ROCK2: variants seen among roughly 807,000 people sequenced by gnomAD.
The protein encoded by ROCK2 is rho-associated protein kinase 2.
In ROCK2, 61 loss-of-function variants were observed where a neutral mutation model predicts 195.1. That is an observed-to-expected ratio of 0.31 (90% CI 0.25 to 0.39). The LOEUF (loss-of-function observed/expected upper bound fraction) is 0.39. ROCK2 is among the 10% of genes least tolerant of loss of function. ROCK2 has a pLI of 1.00. For synonymous variants in ROCK2, 504 were observed against 545.5 expected, an observed-to-expected ratio of 0.92 and a Z score of 1.06; for missense variants, 1,109 against 1,637.4, an observed-to-expected ratio of 0.68 and a Z score of 5.57.
At chr2:11,255,891 T>G (rs1558332354) in intron 3 of ROCK2, among the ~76,000 whole-genome samples, 1 of 118,404 alleles carries the variant, frequency 8.4e-6, no homozygotes, top group African/African-American at 3.6e-5. Flanking sequence ...CTGCACTCCA[T>G]GCACTCCAGT....
intron 3 of ROCK2, among the ~76,000 whole-genome samples, chr2:11,270,099 G>C (rs1480222534): frequency 6.7e-6 from 1 of 150,066 alleles, no homozygotes; most frequent in Non-Finnish European, 1.5e-5. Context: ...CAGAATTCTA[G>C]ATTGGTAATT....
Position 11,192,774 on chromosome 2 carries a change from A to G in ROCK2, c.3688-62T>C. The G allele has an allele frequency of 6.7e-7, 1 of 1,498,888 alleles. No individual in the cohort carries two copies. The highest frequency in any genetic ancestry group is 9.0e-7 in the Non-Finnish European group (1 of 1,114,016). The allele number at this position is 1,498,888 out of a possible 1,614,324, so 92.8% of individuals were successfully genotyped here. A position where few individuals can be genotyped will look rare whatever the true frequency, so the allele number is the denominator to read the frequency against. On this transcript the variant is annotated intron_variant, in intron 30 of 32. Transcript: ENST00000315872. The surrounding 1 kb of genome is among the most constrained non-coding windows in gnomAD (Gnocchi z 5.0). ...CATGCTATTTTTTTATGTAGGAACA[A>G]TTCTGATAGTGTAAGTAAAATAAAA...
At chr2:11,246,577 AAT>A (rs2148122500) in intron 4 of ROCK2, among the ~76,000 whole-genome samples, 1 of 152,302 alleles carries the variant, frequency 6.6e-6, no homozygotes, top group South Asian at 2.1e-4. Context: ...AAGTTTTTAA[AAT>A]ATGTCAATAT....
intron 20 of ROCK2, among the ~76,000 whole-genome samples, chr2:11,205,093 AGAGT>A (rs1664001779): frequency 6.6e-6 from 1 of 152,344 alleles, no homozygotes; most frequent in South Asian, 2.1e-4. Flanking sequence ...CCTAAATGCC[AGAGT>A]GAGAAAGGCT....
At chr2:11,343,941 A>AG in intron 1 of ROCK2, 55 bp downstream of exon 1, 1 of 1,547,806 alleles carries the variant, frequency 6.5e-7, no homozygotes, top group Non-Finnish European at 8.7e-7. Context: ...CTGGGCGGAG[A>AG]GGGGATCTGA....
At chr2:11,313,796 G>C (rs764075161) in intron 1 of ROCK2, among the ~76,000 whole-genome samples, 1 of 151,730 alleles carries the variant, frequency 6.6e-6, no homozygotes, top group African/African-American at 2.4e-5. Context: ...ATTATCTGGA[G>C]TTTATTTTGG....
chr2:11,305,659 A>G (rs1044741735), intron 1 of ROCK2, among the ~76,000 whole-genome samples: 2 of 152,232 alleles, frequency 1.3e-5, no homozygotes, highest in South Asian at 2.1e-4. Context: ...TAGGAAAATG[A>G]TAAGATGAGC....
chr2:11,205,935 C>T (rs2148051350), intron 20 of ROCK2, among the ~76,000 whole-genome samples: 1 of 152,068 alleles, frequency 6.6e-6, no homozygotes, highest in South Asian at 2.1e-4. Flanking sequence ...ATGGTGAAAC[C>T]CTATCTCTAC....
chr2:11,324,304 G>C (rs1187498157), intron 1 of ROCK2, among the ~76,000 whole-genome samples: 3 of 152,120 alleles, frequency 2.0e-5, no homozygotes, highest in Non-Finnish European at 2.9e-5. Flanking sequence ...GCATGGTGGT[G>C]AGTGCCTGTA....
chr2:11,271,855 G>A (rs1010715799), intron 3 of ROCK2, among the ~76,000 whole-genome samples: 5 of 151,846 alleles, frequency 3.3e-5, no homozygotes, highest in Admixed American at 6.6e-5. Flanking sequence ...GTGAAACCCC[G>A]TCTCTACTAA....
chr2:11,332,209 T>C (rs1668790090), intron 1 of ROCK2, among the ~76,000 whole-genome samples: 1 of 152,104 alleles, frequency 6.6e-6, no homozygotes, highest in South Asian at 2.1e-4. Flanking sequence ...GACTCATTCA[T>C]TCCTTGGAAA....
chr2:11,228,442 A>C, intron 5 of ROCK2, among the ~76,000 whole-genome samples: 1 of 152,312 alleles, frequency 6.6e-6, no homozygotes, highest in Non-Finnish European at 1.5e-5. Context: ...TATATAGCAA[A>C]TAGAGAATAA....
chr2:11,208,365 A>G lies in ROCK2; in HGVS notation c.2286T>C (p.Ser762=). ...ACTGTTTGAGGTCACAGTCTAATAG[A>G]GAACATCTTTTCTCAGCTTCTAGCA... The part of the protein sequence containing the change: ...NLLLEAEKRC[S]LLDCDLKQSQ... Residue 762 remains serine, a synonymous_variant, in exon 19 of 33, where the codon TCT becomes TCC. Transcript: ENST00000315872. 1 of 1,552,714 alleles carries G rather than the reference A, an allele frequency of 6.4e-7. No individual in the cohort carries two copies.
chr2:11,232,575 A>T (rs1006904594), intron 5 of ROCK2, among the ~76,000 whole-genome samples: 15 of 152,262 alleles, frequency 9.9e-5, no homozygotes, highest in Admixed American at 2.0e-4. Context: ...AGTTTTTAAT[A>T]AAAAACTCTT....
At chr2:11,246,617 A>T (rs974868292) in intron 4 of ROCK2, among the ~76,000 whole-genome samples, 1 of 152,184 alleles carries the variant, frequency 6.6e-6, no homozygotes, top group Non-Finnish European at 1.5e-5. Flanking sequence ...AAATCACCCT[A>T]ATAATATATT....
At position 11,344,366 on chromosome 2, in the gene ROCK2, G is replaced by A. The variant is rs1392480739; in HGVS notation, c.-230C>T. The A allele has an allele frequency of 1.7e-6, 2 of 1,161,150 alleles. No individual in the cohort carries two copies. Among genetic ancestry groups the A allele is most frequent in the East Asian group, 7.9e-5 (2 of 25,242 alleles). The allele number at this position is 1,161,150 out of a possible 1,614,324, so 71.9% of individuals were successfully genotyped here. A position where few individuals can be genotyped will look rare whatever the true frequency, so the allele number is the denominator to read the frequency against. On this transcript the variant is annotated 5_prime_UTR_variant, in exon 1 of 33. Transcript: ENST00000315872. The surrounding 1 kb of genome is among the most constrained non-coding windows in gnomAD (Gnocchi z 5.4). ...GGCCCGGCCCTGCCGGGAGCGGCGG[G>A]GAACAGACGGCGTCCCCGCCCCTCA...
intron 5 of ROCK2, among the ~76,000 whole-genome samples, chr2:11,229,275 T>G (rs1558310006): frequency 6.6e-6 from 1 of 152,150 alleles, no homozygotes; most frequent in African/African-American, 2.4e-5. Flanking sequence ...AACAAACATT[T>G]GAAAATGATA....
chr2:11,215,397 T>C lies in ROCK2; in HGVS notation c.1613A>G (p.Asp538Gly). ...TCTTTTTTTCAAATCTTCAAGTTGA[T>C]CTTTTAAGCTGTTAACTATGATAAA... Reference protein sequence around the residue: ...NLENDVNSLKDQLEDLKKRNQ... With the variant: ...NLENDVNSLKGQLEDLKKRNQ... Residue 538 changes from aspartate (D) to glycine (G), a missense_variant, in exon 15 of 33, where the codon GAT (aspartate) becomes GGT (glycine). This residue lies in a region of ROCK2 where 542 missense variants were observed against 672.0 expected (regional missense o/e 0.81). Coordinates refer to ENST00000315872, the MANE Select transcript of ROCK2 (RefSeq NM_004850.5). The C allele has an allele frequency of 6.2e-7, 1 of 1,607,666 alleles. No homozygotes were observed.
At chr2:11,238,254 T>G (rs1665295822) in intron 4 of ROCK2, among the ~76,000 whole-genome samples, 1 of 145,582 alleles carries the variant, frequency 6.9e-6, no homozygotes, top group Non-Finnish European at 1.5e-5. Flanking sequence ...GTTGTGTGTG[T>G]CAGTGTACAA....
Sources: allele counts gnomAD v4.1 joint callset (sites outside exome capture counted in the v4.1 genomes callset), GRCh38; gene constraint gnomAD v4.1.1; regional missense constraint gnomAD v4.1.1; non-coding constraint Gnocchi (gnomAD v3.1); transcripts MANE v1.5; gene names NCBI Gene and HGNC (gene_info 2026-07-23, HGNC 2026-07-21).